Variants in GCA observed in about 807,000 individuals in gnomAD.
GCA encodes grancalcin, EF-hand calcium-binding protein.
A neutral mutation model predicts 32.6 loss-of-function variants in GCA; 30 were observed. The ratio of observed to expected loss-of-function variants is 0.92; its 90% CI spans 0.69 to 1.25. The LOEUF (loss-of-function observed/expected upper bound fraction) is 1.25, where lower values mean the gene tolerates loss of function less well. Among genes scored for constraint, GCA ranks in the 50% most tolerant of loss-of-function variants. The pLI is 0.00. For synonymous variants in GCA, 102 were observed against 84.6 expected, an observed-to-expected ratio of 1.21 and a Z score of -1.13; for missense variants, 291 against 266.8, an observed-to-expected ratio of 1.09 and a Z score of -0.63.
Position 162,356,858 on chromosome 2 carries a change from G to A in GCA, c.407G>A (p.Ser136Asn), listed in dbSNP as rs1464188201. 1 of 1,610,210 alleles carries A rather than the reference G, an allele frequency of 6.2e-7. No homozygotes were observed. The highest frequency in any genetic ancestry group is 1.3e-5 in the African/African-American group (1 of 74,820). The change falls in exon 5 of 8, where the codon AGT becomes AAT. Residue 136 changes from serine (S) to asparagine (N), a missense_variant. Physicochemically the swap from Ser to Asn is conservative, Grantham distance 46 (BLOSUM62 1). Transcript: ENST00000437150. ...ENFMTVDQDG[S>N]GTVEHHELRQ... ...TTCATGACTGTTGATCAAGATGGAA[G>A]TGGCACAGTAGAACATCATGAGTTG...
intron 4 of GCA, among the ~76,000 whole-genome samples, chr2:162,370,481 A>C (rs1184191741): frequency 6.6e-6 from 1 of 152,152 alleles, no homozygotes; most frequent in Non-Finnish European, 1.5e-5. Flanking sequence ...ACAGTTGAAG[A>C]TATTTTAATT....
chr2:162,328,218 CAAAAAAAAAAA>C (rs35156397), intron 1 of GCA, among the ~76,000 whole-genome samples: 6 of 90,048 alleles, frequency 6.7e-5, no homozygotes, highest in Non-Finnish European at 1.3e-4. Flanking sequence ...CTGTTTCTAC[CAAAAAAAAAAA>C]AAAAAAAAAA....
chr2:162,321,130 A>G (rs575005197), intron 1 of GCA, among the ~76,000 whole-genome samples: 113 of 152,330 alleles, frequency 7.4e-4, no homozygotes, highest in African/African-American at 2.7e-3. Context: ...ACAAAAGCCA[A>G]GACACAATCT....
At chr2:162,328,383 C>T (rs1683963757) in intron 1 of GCA, among the ~76,000 whole-genome samples, 1 of 151,896 alleles carries the variant, frequency 6.6e-6, no homozygotes, top group South Asian at 2.1e-4. Flanking sequence ...AGAGCAAGAT[C>T]CTGTCTCAAA....
At chr2:162,325,101 T>A (rs1683828319) in intron 1 of GCA, among the ~76,000 whole-genome samples, 1 of 152,176 alleles carries the variant, frequency 6.6e-6, no homozygotes, top group Admixed American at 6.5e-5. Context: ...AAATGAAATA[T>A]ACTAACAACA....
downstream of GCA, among the ~76,000 whole-genome samples, chr2:162,372,700 T>TA (rs1199434700): frequency 6.6e-6 from 1 of 152,142 alleles, no homozygotes; most frequent in Non-Finnish European, 1.5e-5. Flanking sequence ...CCCGAACATC[T>TA]AAAAAAGTTT....
At position 162,361,804 on chromosome 2, in the gene GCA, G is replaced by C; in HGVS notation, c.*1561G>C. On this transcript the variant is annotated 3_prime_UTR_variant, in exon 8 of 8. Coordinates refer to ENST00000437150, the MANE Select transcript of GCA (RefSeq NM_012198.5). ...AATTAAAGAAACAGAATTCTAATTA[G>C]AAGTGTTGTAGGAAAAAGCAAATGT... 1 of 984,308 alleles carries C rather than the reference G, an allele frequency of 1.0e-6. No homozygotes were observed. 61.0% of individuals were successfully genotyped at this position (984,308 alleles called of 1,614,324 possible). A position where few individuals can be genotyped will look rare whatever the true frequency, so the allele number is the denominator to read the frequency against.
In GCA at chr2:162,323,817, T is replaced by C. The variant is rs567157863; in HGVS notation, c.-31+4592T>C. Reference sequence around the variant, plus strand: ...TGCTGTTTTGGTTACTGTAGCCTTGTAGTATTGTTTGAAGTCAGGTAGGGT... The same window carrying C: ...TGCTGTTTTGGTTACTGTAGCCTTGCAGTATTGTTTGAAGTCAGGTAGGGT... On this transcript the variant is annotated intron_variant, in intron 1 of 4. Transcript: ENST00000429691. Among the ~76,000 whole-genome samples the C allele has an allele frequency of 2.0e-5, 3 of 152,016 alleles. No individual in the cohort carries two copies. The East Asian group carries it at 5.8e-4, about 29-fold the overall frequency.
At chr2:162,326,945 T>G (rs1400120072) in intron 1 of GCA, among the ~76,000 whole-genome samples, 1 of 152,166 alleles carries the variant, frequency 6.6e-6, no homozygotes, top group Non-Finnish European at 1.5e-5. Flanking sequence ...TAGGTAAAAA[T>G]GAGGTATGTA....
At chr2:162,371,647 T>C, downstream of GCA, 1 of 766,740 alleles carries the variant, frequency 1.3e-6, no homozygotes. Context: ...AGTTCTTATG[T>C]ATATTTACAT....
chr2:162,374,177 G>T (rs1686076351), downstream of GCA, among the ~76,000 whole-genome samples: 1 of 151,926 alleles, frequency 6.6e-6, no homozygotes, highest in African/African-American at 2.4e-5. Flanking sequence ...ATTATTCATT[G>T]TATTCTTTCT....
chr2:162,342,384 C>G (rs986735330), upstream of GCA, among the ~76,000 whole-genome samples: 4 of 152,208 alleles, frequency 2.6e-5, no homozygotes, highest in Non-Finnish European at 5.9e-5. Context: ...ATTCCTGAGT[C>G]TGAGACAAAT....
At chr2:162,347,434 G>A in intron 1 of GCA, 144 bp from the exon 2 acceptor site, 2 of 454,948 alleles carry the variant, frequency 4.4e-6, no homozygotes, top group Non-Finnish European at 7.8e-6. Context: ...CTAACATTTT[G>A]TAGTTAAAAT....
At chr2:162,328,537 C>T (rs1404481192) in intron 1 of GCA, among the ~76,000 whole-genome samples, 2 of 152,134 alleles carry the variant, frequency 1.3e-5, no homozygotes, top group Non-Finnish European at 2.9e-5. Flanking sequence ...GAAAAGTTGC[C>T]CCACTGCTCA....
chr2:162,356,660 T>A (rs1048439763), intron 4 of GCA, 98 bp from the exon 5 acceptor site: 4 of 938,286 alleles, frequency 4.3e-6, no homozygotes, highest in Non-Finnish European at 6.6e-6. Flanking sequence ...TATAATGAGT[T>A]TGGCTAAGTC....
chr2:162,337,941 C>G (rs898624677), intron 1 of GCA, among the ~76,000 whole-genome samples: 1 of 152,120 alleles, frequency 6.6e-6, no homozygotes, highest in African/African-American at 2.4e-5. Context: ...CTGTTTTCAG[C>G]TTTCAGATTT....
At chr2:162,319,313 C>T (rs1683583667) in intron 1 of GCA, 1 of 448,526 alleles carries the variant, frequency 2.2e-6, no homozygotes, top group East Asian at 7.0e-5. Context: ...TTGACCAGGA[C>T]CTGGTAACAG....
chr2:162,345,272 G>A (rs1684642379), intron 1 of GCA, among the ~76,000 whole-genome samples: 1 of 152,102 alleles, frequency 6.6e-6, no homozygotes, highest in South Asian at 2.1e-4. Context: ...ACTTTGTAAT[G>A]CCTATGCCTC....
At chr2:162,327,874 A>G (rs1251851815) in intron 1 of GCA, among the ~76,000 whole-genome samples, 2 of 152,348 alleles carry the variant, frequency 1.3e-5, no homozygotes, top group Middle Eastern at 3.4e-3. Context: ...CGCGAGAGAA[A>G]AAGTGACAAA....
Sources: allele counts gnomAD v4.1 joint callset (sites outside exome capture counted in the v4.1 genomes callset), GRCh38; gene constraint gnomAD v4.1.1; transcripts MANE v1.5; gene names NCBI Gene and HGNC (gene_info 2026-07-23, HGNC 2026-07-21).